Variants in DDX55 observed in about 807,000 individuals in gnomAD.
DDX55 encodes the protein DEAD-box helicase 55, also known as ATP-dependent RNA helicase DDX55.
DDX55 carries 56 observed loss-of-function variants against 69.2 expected under a neutral mutation model. The observed-to-expected ratio is 0.81, with a 90% CI of 0.65 to 1.01. The LOEUF is 1.01. Ranked by LOEUF, DDX55 falls within the 50% of genes least tolerant of loss-of-function variation. DDX55 has a pLI of 0.00. For synonymous variants in DDX55, 268 were observed against 273.1 expected, an observed-to-expected ratio of 0.98 and a Z score of 0.18; for missense variants, 720 against 745.1, an observed-to-expected ratio of 0.97 and a Z score of 0.39.
intron 5 of DDX55, chr12:123,608,473 G>T (rs1954019905): frequency 3.8e-6 from 2 of 520,136 alleles, no homozygotes; most frequent in African/African-American, 3.8e-5. Context: ...TGCCAACCTT[G>T]CCTAGGTCAT....
At chr12:123,607,579 A>G (rs1267693843) in intron 4 of DDX55, 21 bp from the exon 5 acceptor site, 5 of 1,614,162 alleles carry the variant, frequency 3.1e-6, no homozygotes, top group Non-Finnish European at 4.2e-6. Context: ...AACTTAATCA[A>G]AGGCTGTTTT....
chr12:123,604,384 A>T (rs903052126), intron 1 of DDX55, among the ~76,000 whole-genome samples: 4 of 152,212 alleles, frequency 2.6e-5, no homozygotes, highest in East Asian at 1.9e-4. Context: ...CATCACAAAA[A>T]TTTTTTTTAA....
intron 11 of DDX55, 143 bp downstream of exon 11, chr12:123,618,015 GT>G (rs568589434): frequency 0.085 from 38,464 of 451,496 alleles, 39 homozygotes; most frequent in East Asian, 0.099. Flanking sequence ...CCCTGGTGGG[GT>G]TTTTTTTTTT....
rs1450087578 is a variant in DDX55, at chr12:123,620,607, T to A, written c.*467T>A. 1 of 75,948 alleles carries A rather than the reference T, an allele frequency of 1.3e-5. No homozygotes were observed. Among genetic ancestry groups the A allele is most frequent in the African/African-American group, 4.1e-5 (1 of 24,138 alleles). The allele number at this position is 75,948 out of a possible 1,614,324, so 4.7% of individuals were successfully genotyped here. Reference sequence around the variant, plus strand: ...ATATATATATATATATATATATATATATATATATATATATATATATAAGCT... The same window carrying A: ...ATATATATATATATATATATATATAAATATATATATATATATATATAAGCT... On this transcript the variant is annotated 3_prime_UTR_variant, in exon 14 of 14. Transcript: ENST00000238146.
intron 3 of DDX55, 25 bp from the exon 4 acceptor site, chr12:123,607,407 G>A (rs1387814572): frequency 1.9e-6 from 3 of 1,612,692 alleles, no homozygotes; most frequent in East Asian, 4.5e-5. Flanking sequence ...GCTGCTGACT[G>A]TGTCCCTTCC....
At chr12:123,619,809 G>T in intron 13 of DDX55, 85 bp downstream of exon 13, 1 of 1,517,892 alleles carries the variant, frequency 6.6e-7, no homozygotes. Context: ...GTGTGGGGCT[G>T]TCAGATTTCT....
intron 5 of DDX55, 130 bp from the exon 6 acceptor site, chr12:123,608,550 C>G (rs1954023461): frequency 8.9e-7 from 1 of 1,117,892 alleles, no homozygotes; most frequent in East Asian, 2.4e-5. Flanking sequence ...CTCTTCTACT[C>G]TCATGCTCTT....
In DDX55 at chr12:123,610,772, C is replaced by T. The variant is rs545703052; in HGVS notation, c.741+644C>T. 5.3e-5 allele frequency among the ~76,000 whole-genome samples: 8 copies of T among 151,644 alleles called. No individual in the cohort carries two copies. In the East Asian group the frequency reaches 7.8e-4, roughly 15 times the overall value. Reference sequence around the variant, plus strand: ...GACTACAGGCGCCCGCCACCACGCCCGGCTAATTTTTTGTTAGCCCTGTTA... The same window carrying T: ...GACTACAGGCGCCCGCCACCACGCCTGGCTAATTTTTTGTTAGCCCTGTTA... On this transcript the variant is annotated intron_variant, in intron 7 of 13. Transcript: ENST00000238146.
intron 9 of DDX55, among the ~76,000 whole-genome samples, chr12:123,615,589 T>C (rs968566168): frequency 3.3e-5 from 5 of 152,238 alleles, no homozygotes; most frequent in Non-Finnish European, 7.3e-5. Context: ...TCCTGTGTAT[T>C]GTCTTCACTC....
At chr12:123,603,958 AC>A (rs1953732338) in intron 1 of DDX55, among the ~76,000 whole-genome samples, 1 of 151,684 alleles carries the variant, frequency 6.6e-6, no homozygotes, top group African/African-American at 2.4e-5. Context: ...ATACACCACC[AC>A]GCCTGGCTAA....
chr12:123,603,376 A>G (rs368187939), intron 1 of DDX55, among the ~76,000 whole-genome samples: 1 of 120,110 alleles, frequency 8.3e-6, no homozygotes, highest in Non-Finnish European at 1.8e-5. Flanking sequence ...AGACTACAGG[A>G]CCTGAGGTTT....
chr12:123,603,742 C>A (rs182202021), intron 1 of DDX55, among the ~76,000 whole-genome samples: 1 of 152,012 alleles, frequency 6.6e-6, no homozygotes, highest in African/African-American at 2.4e-5. Flanking sequence ...GAATGACTGG[C>A]GTGCGTATCA....
rs2135723302 is a variant in DDX55 at position 123,613,763 on chromosome 12, G to C, written c.824+511G>C. ...GGCCCCTCACTTCAAGAGCAGCAGA[G>C]AAAATGAGTGCGCAGCTTTTCTGCC... On this transcript the variant is annotated intron_variant, in intron 8 of 13. Coordinates refer to ENST00000238146, the MANE Select transcript of DDX55 (RefSeq NM_020936.3). Among the ~76,000 whole-genome samples the C allele has an allele frequency of 2.6e-5, 4 of 152,312 alleles. No individual in the cohort carries two copies. In the Middle Eastern group the frequency reaches 0.01, roughly 389 times the overall value.
At position 123,606,079 on chromosome 12, in the gene DDX55, G is replaced by A; in HGVS notation, c.166G>A (p.Gly56Ser). Residue 56 changes from glycine (G) to serine (S), a missense_variant, in exon 3 of 14, where the codon GGT becomes AGT. Coordinates refer to ENST00000238146, the MANE Select transcript of DDX55 (RefSeq NM_020936.3). ...NKDVAAEAVT[G>S]SGKTLAFVIP... ...CAAAACTCTCTGTTTGCAGGTCACA[G>A]GTAGTGGCAAAACACTCGCTTTTGT... 1 of 1,614,116 alleles carries A rather than the reference G, an allele frequency of 6.2e-7. No homozygotes were observed. The highest frequency in any genetic ancestry group is 8.5e-7 in the Non-Finnish European group (1 of 1,180,026).
chr12:123,612,893 C>T lies in DDX55; in HGVS notation c.742-277C>T, dbSNP rs75739998. Among the ~76,000 whole-genome samples the T allele has an allele frequency of 2.8e-4, 43 of 151,750 alleles. No individual in the cohort carries two copies. In the East Asian group the frequency reaches 8.3e-3, roughly 29 times the overall value. On this transcript the variant is annotated intron_variant, in intron 7 of 13. Coordinates refer to ENST00000238146, the MANE Select transcript of DDX55 (RefSeq NM_020936.3). ...ACCCTGGAGATGGTGTAATGGCTGG[C>T]ATGTATATTGGGATTGGGAGTTGGG...
Position 123,605,921 on chromosome 12 carries a change from C to T in DDX55, c.109-10C>T. The T allele has an allele frequency of 1.2e-6, 2 of 1,614,164 alleles. No homozygotes were observed. The highest frequency in any genetic ancestry group is 1.1e-5 in the South Asian group (1 of 91,080). On this transcript the variant is annotated splice_polypyrimidine_tract_variant and intron_variant, in intron 1 of 13. Transcript: ENST00000238146. ...TCCTTTAACCAGTGCTTTGCAATCTCTCTCTTTAGTCCGCAACCATCCCTC... is the reference window on the plus strand; with the variant it reads ...TCCTTTAACCAGTGCTTTGCAATCTTTCTCTTTAGTCCGCAACCATCCCTC...
chr12:123,619,323 T>G lies in DDX55; in HGVS notation c.1334-109T>G. The G allele has an allele frequency of 2.0e-6, 3 of 1,470,524 alleles. No homozygotes were observed. The South Asian group carries it at 4.5e-5, about 22-fold the overall frequency. The allele number at this position is 1,470,524 out of a possible 1,614,324, so 91.1% of individuals were successfully genotyped here. On this transcript the variant is annotated intron_variant, in intron 12 of 13. Transcript: ENST00000238146. ...CGGCCTCAATTATTTTCATTCTAACTAAAATGAATGCATTAAACCCTTTGG... is the reference window on the plus strand; with the variant it reads ...CGGCCTCAATTATTTTCATTCTAACGAAAATGAATGCATTAAACCCTTTGG...
Position 123,605,917 on chromosome 12 carries a change from ATC to A in DDX55, c.109-6_109-5del, listed in dbSNP as rs755986537. 173 of 1,613,930 alleles carry A rather than the reference ATC, an allele frequency of 1.1e-4. No individual in the cohort carries two copies. The highest frequency in any genetic ancestry group is 1.6e-4 in the Middle Eastern group (1 of 6,084). ...GGCATCCTTTAACCAGTGCTTTGCA[ATC>A]TCTCTCTTTAGTCCGCAACCATCCC... On this transcript the variant is annotated splice_polypyrimidine_tract_variant and intron_variant, in intron 1 of 13. Transcript: ENST00000238146.
At chr12:123,618,307 C>T (rs371209916) in intron 11 of DDX55, 53 of 537,664 alleles carry the variant, frequency 9.9e-5, no homozygotes, top group East Asian at 9.5e-4. Context: ...CCACCGTGCC[C>T]GGCCACCCTG....
Sources: gnomAD v4.1 joint callset for allele counts (sites outside exome capture counted in the v4.1 genomes callset) on GRCh38, gnomAD v4.1.1 for gene constraint, MANE v1.5 for transcripts, NCBI Gene and HGNC (gene_info 2026-07-23, HGNC 2026-07-21) for gene names.